The following SLC16A3 variants were observed in gnomAD, a reference collection of about 807,000 sequenced individuals.
SLC16A3 encodes monocarboxylate transporter 4.
Under a neutral mutation model 25.0 loss-of-function variants are expected in SLC16A3, and 22 were observed. The observed-to-expected ratio is 0.88, with a 90% CI of 0.63 to 1.26. The LOEUF is 1.26. Ranked by LOEUF, SLC16A3 falls within the 50% of genes most tolerant of loss-of-function variation. The pLI, the probability that SLC16A3 is intolerant of heterozygous loss-of-function variation, is 0.00. For missense variants in SLC16A3, 731 were observed against 666.6 expected (o/e 1.10, Z -1.06); for synonymous variants, 390 against 309.2 (o/e 1.26, Z -2.74).
At chr17:82,219,541 G>A (rs1036785925) in intron 1 of SLC16A3, among the ~76,000 whole-genome samples, 4 of 149,362 alleles carry the variant, frequency 2.7e-5, no homozygotes, top group East Asian at 2.0e-4. Context: ...TGTCTCTGGA[G>A]GCCCCAGCTG....
chr17:82,225,453 C>T (rs995367293), upstream of SLC16A3, among the ~76,000 whole-genome samples: 7 of 152,140 alleles, frequency 4.6e-5, no homozygotes, highest in South Asian at 2.1e-4. Flanking sequence ...CCACACGCCC[C>T]GCGTGGGTCT....
At position 82,218,186 on chromosome 17, in the gene SLC16A3, T is replaced by C. The variant is rs1180464916; in HGVS notation, c.-27+2T>C. Among the ~76,000 whole-genome samples the C allele has an allele frequency of 6.6e-6, 1 of 151,758 alleles. No homozygotes were observed. The highest frequency in any genetic ancestry group is 1.5e-5 in the Non-Finnish European group (1 of 67,928). ...AATGACAAGCTCTGGGTAACCCTGGTGAGTGGACGGCCAAGGCGAGCCCAG... is the reference window on the plus strand; with the variant it reads ...AATGACAAGCTCTGGGTAACCCTGGCGAGTGGACGGCCAAGGCGAGCCCAG... On this transcript the variant is annotated splice_donor_variant, in intron 1 of 4. Transcript: ENST00000580098. LOFTEE classifies it low-confidence loss of function (5UTR_SPLICE).
intron 1 of SLC16A3, chr17:82,233,912 C>T (rs995980919): frequency 5.9e-5 from 9 of 152,198 alleles, no homozygotes; most frequent in Non-Finnish European, 1.2e-4. Context: ...GCGATCTCGG[C>T]TCACTGCAAG....
At chr17:82,225,777 G>A (rs544345936), upstream of SLC16A3, among the ~76,000 whole-genome samples, 1 of 152,308 alleles carries the variant, frequency 6.6e-6, no homozygotes, top group South Asian at 2.1e-4. Context: ...TCCCAAGGAC[G>A]CAGGATGTGG....
In SLC16A3 at chr17:82,238,998, G is replaced by A; in HGVS notation, c.*22G>A. 2 of 1,504,212 alleles carry A rather than the reference G, an allele frequency of 1.3e-6. No homozygotes were observed. The highest frequency in any genetic ancestry group is 1.8e-6 in the Non-Finnish European group (2 of 1,124,116). 93.2% of individuals were successfully genotyped at this position (1,504,212 alleles called of 1,614,324 possible). A position where few individuals can be genotyped will look rare whatever the true frequency, so the allele number is the denominator to read the frequency against. On this transcript the variant is annotated 3_prime_UTR_variant, in exon 5 of 5. Coordinates refer to ENST00000582743, the MANE Select transcript of SLC16A3 (RefSeq NM_004207.4). ...CTGAGTGGCTGGGCGGGGCCGGCAGGCACAGGGAGGAGGTACAGAAGCCGG... is the reference window on the plus strand; with the variant it reads ...CTGAGTGGCTGGGCGGGGCCGGCAGACACAGGGAGGAGGTACAGAAGCCGG...
intron 3 of SLC16A3, 130 bp from the exon 4 acceptor site, chr17:82,237,006 CCT>C (rs1371971233): frequency 6.2e-6 from 9 of 1,454,314 alleles, no homozygotes; most frequent in South Asian, 5.3e-5. Flanking sequence ...TCGTTGTCCC[CCT>C]CTCGAGTGGG....
intron 1 of SLC16A3, among the ~76,000 whole-genome samples, chr17:82,221,075 T>C (rs1034602226): frequency 2.6e-5 from 4 of 151,386 alleles, no homozygotes; most frequent in African/African-American, 9.7e-5. Context: ...CACCTCAACC[T>C]CCCAAAGTGC....
intron 1 of SLC16A3, chr17:82,232,288 G>T (rs975286799): frequency 1.3e-5 from 2 of 152,444 alleles, no homozygotes; most frequent in African/African-American, 4.8e-5. Context: ...CGGACCCAGG[G>T]AACGGGCTGA....
chr17:82,233,514 C>T (rs536975384), intron 1 of SLC16A3, among the ~76,000 whole-genome samples: 5 of 152,304 alleles, frequency 3.3e-5, no homozygotes, highest in African/African-American at 7.2e-5. Flanking sequence ...CACACGCCCT[C>T]GTCTGTCTCC....
In SLC16A3 at chr17:82,239,376, G is replaced by C. The variant is rs1443635424; in HGVS notation, c.*400G>C. The C allele has an allele frequency of 5.3e-6, 1 of 187,306 alleles. No individual in the cohort carries two copies. The highest frequency in any genetic ancestry group is 1.1e-5 in the Non-Finnish European group (1 of 91,388). 11.6% of individuals were successfully genotyped at this position (187,306 alleles called of 1,614,324 possible). On this transcript the variant is annotated 3_prime_UTR_variant, in exon 5 of 5. Coordinates refer to ENST00000582743, the MANE Select transcript of SLC16A3 (RefSeq NM_004207.4). ...GGCCCTCTCCAGCCCGTCCTACCCT[G>C]GGCTCACATGGGGCCTGTGCCCACC... is the stretch of plus-strand genomic sequence containing the variant.
Position 82,236,169 on chromosome 17 carries a change from G to A in SLC16A3, c.161G>A (p.Gly54Glu). Residue 54 changes from glycine to glutamate, a missense_variant, in exon 2 of 5, where the codon GGG (glycine) becomes GAG (glutamate). Gly to Glu is a moderately conservative substitution (Grantham distance 98). Transcript: ENST00000582743. Reference sequence around the variant, plus strand: ...TTCAAGGAGCTCATACAGGAGTTTGGGATCGGCTACAGCGACACAGCCTGG... The same window carrying A: ...TTCAAGGAGCTCATACAGGAGTTTGAGATCGGCTACAGCGACACAGCCTGG... ...VFFKELIQEFGIGYSDTAWIS... is the reference protein window; with the variant it reads ...VFFKELIQEFEIGYSDTAWIS... 1 of 1,613,180 alleles carries A rather than the reference G, an allele frequency of 6.2e-7. No individual in the cohort carries two copies. Among genetic ancestry groups the A allele is most frequent in the Non-Finnish European group, 8.5e-7 (1 of 1,179,964 alleles).
At chr17:82,219,740 C>CG (rs889471288) in intron 1 of SLC16A3, among the ~76,000 whole-genome samples, 2 of 152,054 alleles carry the variant, frequency 1.3e-5, no homozygotes, top group African/African-American at 2.4e-5. Flanking sequence ...CACTGAAAGG[C>CG]GGGGGGTCTG....
At chr17:82,236,407 C>T in intron 2 of SLC16A3, 176 bp downstream of exon 2, 1 of 675,922 alleles carries the variant, frequency 1.5e-6, no homozygotes. Flanking sequence ...GGGGCCAACC[C>T]AGGCAGGGCG....
intron 1 of SLC16A3, among the ~76,000 whole-genome samples, chr17:82,218,909 C>T (rs1288375827): frequency 1.3e-5 from 2 of 152,106 alleles, no homozygotes; most frequent in Admixed American, 6.5e-5. Context: ...CCGGGGGCAC[C>T]GCTAGGGCTT....
chr17:82,237,402 C>T lies in SLC16A3; in HGVS notation c.632C>T (p.Pro211Leu), dbSNP rs566024360. 2.8e-5 allele frequency: 43 copies of T among 1,559,174 alleles called. No individual in the cohort carries two copies. Among genetic ancestry groups the T allele is most frequent in the Admixed American group, 1.5e-4 (8 of 53,216 alleles). ...ACGGCCCAGCCGGGCTCGGGGCCGC[C>T]GCGACCCTCCCGGCGCCTGCTAGAC... The part of the protein sequence containing the change: ...VVTAQPGSGP[P>L]RPSRRLLDLS... The change falls in exon 4 of 5, where the codon CCG (proline) becomes CTG (leucine). Residue 211 changes from proline (P) to leucine (L), a missense_variant. Pro to Leu is a moderately conservative substitution (Grantham distance 98). Coordinates refer to ENST00000582743, the MANE Select transcript of SLC16A3 (RefSeq NM_004207.4).
chr17:82,237,819 A>C lies in SLC16A3; in HGVS notation c.1049A>C (p.His350Pro). 1 of 1,609,558 alleles carries C rather than the reference A, an allele frequency of 6.2e-7. No individual in the cohort carries two copies. ...FEVLMAIVGTHKFSSAIGLVL... is the reference protein window; with the variant it reads ...FEVLMAIVGTPKFSSAIGLVL... ...GTGCTCATGGCCATCGTGGGCACCC[A>C]CAAGTTCTCCAGTGCCATTGGCCTG... Residue 350 changes from histidine to proline, a missense_variant, in exon 4 of 5, where the codon CAC (histidine) becomes CCC (proline). Coordinates refer to ENST00000582743, the MANE Select transcript of SLC16A3 (RefSeq NM_004207.4).
At chr17:82,233,604 C>T (rs1476141302) in intron 1 of SLC16A3, 1 of 152,264 alleles carries the variant, frequency 6.6e-6, no homozygotes, top group Non-Finnish European at 1.5e-5. Flanking sequence ...GACTCAGAGG[C>T]CTTGGTACCT....
intron 1 of SLC16A3, among the ~76,000 whole-genome samples, chr17:82,221,609 A>AAC (rs2050389451): frequency 6.6e-6 from 1 of 152,156 alleles, no homozygotes. Flanking sequence ...ACAACAAAAA[A>AAC]GACAACCCAA....
At chr17:82,218,671 G>C (rs1034764915) in intron 1 of SLC16A3, among the ~76,000 whole-genome samples, 2 of 152,190 alleles carry the variant, frequency 1.3e-5, no homozygotes, top group Non-Finnish European at 2.9e-5. Flanking sequence ...CCAAGGAAGA[G>C]AGGACAGAGG....
Sources: allele counts gnomAD v4.1 joint callset (sites outside exome capture counted in the v4.1 genomes callset), GRCh38; gene constraint gnomAD v4.1.1; transcripts MANE v1.5; gene names NCBI Gene and HGNC (gene_info 2026-07-23, HGNC 2026-07-21).